The following CCDC180 variants were observed in gnomAD, a reference collection of about 807,000 sequenced individuals.
CCDC180 encodes the protein coiled-coil domain-containing protein 180.
A neutral mutation model predicts 209.2 loss-of-function variants in CCDC180; 154 were observed. That is an observed-to-expected ratio of 0.74 (90% CI 0.65 to 0.84). The LOEUF (loss-of-function observed/expected upper bound fraction) is 0.84, where lower values mean the gene tolerates loss of function less well. Among genes scored for constraint, CCDC180 ranks in the 40% least tolerant of loss-of-function variants. The pLI, the probability that CCDC180 is intolerant of heterozygous loss-of-function variation, is 0.00. For missense variants in CCDC180, 1,874 were observed against 1,997.3 expected, an observed-to-expected ratio of 0.94 and a Z score of 1.18; for synonymous variants, 778 against 749.1, an observed-to-expected ratio of 1.04 and a Z score of -0.63.
Position 97,375,596 on chromosome 9 carries a change from C to G in CCDC180, c.4842+7C>G, listed in dbSNP as rs1319800731. On this transcript the variant is annotated splice_region_variant and intron_variant, in intron 36 of 36. Coordinates refer to ENST00000529487, the MANE Select transcript of CCDC180 (RefSeq NM_020893.6). ...CCGAGATGCTGTGTACCTGGTGAGACAGGGTGGAGTGGGCGTGTCCCAGGG... is the reference window on the plus strand; with the variant it reads ...CCGAGATGCTGTGTACCTGGTGAGAGAGGGTGGAGTGGGCGTGTCCCAGGG... 1.5e-5 allele frequency: 24 copies of G among 1,614,056 alleles called. No individual in the cohort carries two copies. The highest frequency in any genetic ancestry group is 2.0e-5 in the Non-Finnish European group (24 of 1,180,036).
In CCDC180 at chr9:97,349,126, A is replaced by G; in HGVS notation, c.2690A>G (p.His897Arg). ...CCTTTTTCAGCCGAGCTTTTGCTTC[A>G]TCAAGAGCAGTTGGACAGCCACTGT... ...HNVRAAELLL[H>R]QEQLDSHCAG... Residue 897 changes from histidine to arginine, a missense_variant, in exon 21 of 37, where the codon CAT (histidine) becomes CGT (arginine). By Grantham distance (29) the His-to-Arg change is conservative. Transcript: ENST00000529487. 6.5e-7 allele frequency: 1 copy of G among 1,535,998 alleles called. No individual in the cohort carries two copies. Among genetic ancestry groups the G allele is most frequent in the South Asian group, 1.2e-5 (1 of 84,024 alleles).
At chr9:97,351,443 C>T (rs968865495) in intron 22 of CCDC180, among the ~76,000 whole-genome samples, 1 of 152,122 alleles carries the variant, frequency 6.6e-6, no homozygotes, top group African/African-American at 2.4e-5. Context: ...GTTTATTGGC[C>T]ATTCTTTCCC....
intron 19 of CCDC180, among the ~76,000 whole-genome samples, chr9:97,346,730 A>G (rs1826271091): frequency 6.6e-6 from 1 of 152,176 alleles, no homozygotes; most frequent in Non-Finnish European, 1.5e-5. Flanking sequence ...GCATGTCACC[A>G]TGACCAGCTA....
chr9:97,350,625 C>G (rs1826396981), intron 22 of CCDC180, 70 bp downstream of exon 22: 2 of 1,467,686 alleles, frequency 1.4e-6, no homozygotes, highest in Admixed American at 4.6e-5. Context: ...CTTGTTTCCC[C>G]CTTAATTTTT....
chr9:97,328,999 C>T (rs1825647540), intron 16 of CCDC180, among the ~76,000 whole-genome samples: 2 of 152,252 alleles, frequency 1.3e-5, no homozygotes, highest in Admixed American at 1.3e-4. Flanking sequence ...GCTCTTTTCC[C>T]GCACACCAGC....
intron 18 of CCDC180, among the ~76,000 whole-genome samples, chr9:97,337,601 C>A (rs2118737088): frequency 6.6e-6 from 1 of 152,274 alleles, no homozygotes; most frequent in African/African-American, 2.4e-5. Context: ...TGATGTTCAT[C>A]AGGGATATTG....
In CCDC180 at chr9:97,317,232, A is replaced by T. The variant is rs996203852; in HGVS notation, c.959+4A>T. 6.4e-7 allele frequency: 1 copy of T among 1,574,566 alleles called. No individual in the cohort carries two copies. The highest frequency in any genetic ancestry group is 8.7e-7 in the Non-Finnish European group (1 of 1,152,536). ...AGGCCCTGCTGCAGAGTTTCAGGTC[A>T]GTGCCGCCCACACAGCTCCTTCTCC... On this transcript the variant is annotated splice_donor_region_variant and intron_variant, in intron 9 of 36. Transcript: ENST00000529487.
At position 97,378,736 on chromosome 9, in the gene CCDC180, A is replaced by G. The variant is rs911400314; in HGVS notation, c.*1842A>G. Among the ~76,000 whole-genome samples the G allele has an allele frequency of 6.6e-6, 1 of 152,174 alleles. No homozygotes were observed. The highest frequency in any genetic ancestry group is 1.5e-5 in the Non-Finnish European group (1 of 68,036). On this transcript the variant is annotated 3_prime_UTR_variant, in exon 37 of 37. Transcript: ENST00000529487. ...ACATCCTCCCACATTAGCTCTTTGTACACATCTGTAATCATTCCTTAATCA... is the reference window on the plus strand; with the variant it reads ...ACATCCTCCCACATTAGCTCTTTGTGCACATCTGTAATCATTCCTTAATCA...
intron 33 of CCDC180, 149 bp downstream of exon 33, chr9:97,370,927 T>C: frequency 1.7e-6 from 1 of 600,556 alleles, no homozygotes. Flanking sequence ...AAATGGCCAT[T>C]ATTGGCTGTT....
At chr9:97,367,175 A>C (rs1826947097) in intron 31 of CCDC180, among the ~76,000 whole-genome samples, 1 of 152,136 alleles carries the variant, frequency 6.6e-6, no homozygotes, top group Non-Finnish European at 1.5e-5. Context: ...TGAGAATAGA[A>C]TTGTATAGTA....
In CCDC180 at chr9:97,343,371, T is replaced by A; in HGVS notation, c.2306T>A (p.Ile769Lys). 6.2e-7 allele frequency: 1 copy of A among 1,613,056 alleles called. No homozygotes were observed. The highest frequency in any genetic ancestry group is 8.5e-7 in the Non-Finnish European group (1 of 1,179,060). The change falls in exon 19 of 37, where the codon ATA becomes AAA. Residue 769 changes from isoleucine to lysine, a missense_variant. Physicochemically the swap from Ile to Lys is moderately radical, Grantham distance 102. Coordinates refer to ENST00000529487, the MANE Select transcript of CCDC180 (RefSeq NM_020893.6). ...EEDKEEGLEE[I>K]YYEDMESFTI... ...GACAAGGAAGAGGGTCTAGAGGAGA[T>A]ATACTATGAGGACATGGAGTCCTTC...
chr9:97,326,562 G>A lies in CCDC180; in HGVS notation c.1554G>A (p.Glu518=), dbSNP rs1039985615. The A allele has an allele frequency of 1.9e-6, 3 of 1,607,626 alleles. No individual in the cohort carries two copies. The highest frequency in any genetic ancestry group is 2.6e-6 in the Non-Finnish European group (3 of 1,174,308). The change falls in exon 15 of 37, where the codon GAG becomes GAA. Residue 518 remains glutamate (E), a synonymous_variant. Coordinates refer to ENST00000529487, the MANE Select transcript of CCDC180 (RefSeq NM_020893.6). ...QKHSLESQVQ[E]AHLDRLLDQL... ...TTGGGGGTGGCTTCCAGGTGCAGGAGGCCCACCTCGATAGGCTCTTGGACC... is the reference window on the plus strand; with the variant it reads ...TTGGGGGTGGCTTCCAGGTGCAGGAAGCCCACCTCGATAGGCTCTTGGACC...
chr9:97,337,928 C>G (rs1224945576), intron 18 of CCDC180, among the ~76,000 whole-genome samples: 1 of 152,156 alleles, frequency 6.6e-6, no homozygotes, highest in Non-Finnish European at 1.5e-5. Context: ...TCTATTTCTT[C>G]TAGTTTTTCT....
At chr9:97,357,111 C>G (rs942665623) in intron 24 of CCDC180, among the ~76,000 whole-genome samples, 7 of 152,250 alleles carry the variant, frequency 4.6e-5, no homozygotes, top group African/African-American at 1.7e-4. Flanking sequence ...GAGAGGTGCA[C>G]TTGCCAGGAC....
At chr9:97,312,315 T>C in intron 4 of CCDC180, 114 bp downstream of exon 4, 1 of 841,786 alleles carries the variant, frequency 1.2e-6, no homozygotes. Flanking sequence ...GCTCCCACTG[T>C]GTTCCTCGGC....
Position 97,354,960 on chromosome 9 carries a change from G to C in CCDC180, c.3216G>C (p.Glu1072Asp), listed in dbSNP as rs776229914. ...TGTCTGTGGACCTTATTTTCATAGA[G>C]AAAATCCAGCGGTTGCTGACGAATC... is the stretch of plus-strand genomic sequence containing the variant. ...HNLSVDLIFIEKIQRLLTNLQ... is the reference protein window; with the variant it reads ...HNLSVDLIFIDKIQRLLTNLQ... Residue 1072 changes from glutamate to aspartate, a missense_variant, in exon 24 of 37, where the codon GAG (glutamate) becomes GAC (aspartate). By Grantham distance (45) the Glu-to-Asp change is conservative. Coordinates refer to ENST00000529487, the MANE Select transcript of CCDC180 (RefSeq NM_020893.6). The C allele has an allele frequency of 1.8e-5, 29 of 1,614,014 alleles. No homozygotes were observed. The highest frequency in any genetic ancestry group is 2.4e-5 in the Non-Finnish European group (28 of 1,179,988).
chr9:97,321,389 G>A (rs1053956720), intron 11 of CCDC180, among the ~76,000 whole-genome samples: 4 of 152,186 alleles, frequency 2.6e-5, no homozygotes, highest in Non-Finnish European at 5.9e-5. Context: ...GGTCAGTGGT[G>A]TCATTGTCCT....
At chr9:97,309,199 TC>T (rs1807898896) in intron 2 of CCDC180, among the ~76,000 whole-genome samples, 1 of 152,218 alleles carries the variant, frequency 6.6e-6, no homozygotes, top group Admixed American at 6.5e-5. Context: ...CATTTAAGGT[TC>T]TTAGAAAGAG....
chr9:97,324,888 G>C, intron 13 of CCDC180, 131 bp from the exon 14 acceptor site: 1 of 821,608 alleles, frequency 1.2e-6, no homozygotes, highest in Non-Finnish European at 1.8e-6. Context: ...TGGCCTAGAA[G>C]TTGACCTTGA....
Sources: gnomAD v4.1 joint callset for allele counts (sites outside exome capture counted in the v4.1 genomes callset) on GRCh38, gnomAD v4.1.1 for gene constraint, MANE v1.5 for transcripts, NCBI Gene and HGNC (gene_info 2026-07-23, HGNC 2026-07-21) for gene names.